Variants in SUPT3H observed in about 807,000 individuals in gnomAD.
SUPT3H encodes the protein transcription initiation protein SPT3 homolog.
SUPT3H carries 44 observed loss-of-function variants against 44.3 expected under a neutral mutation model. That is an observed-to-expected ratio of 0.99 (90% CI 0.78 to 1.28). SUPT3H has a LOEUF of 1.28. Among genes scored for constraint, SUPT3H ranks in the 50% most tolerant of loss-of-function variants. The pLI is 0.00. For missense variants in SUPT3H, 380 were observed against 387.1 expected (o/e 0.98, Z 0.15); for synonymous variants, 124 against 125.6 (o/e 0.99, Z 0.09).
chr6:45,176,976 G>C (rs1301459845), intron 2 of SUPT3H, among the ~76,000 whole-genome samples: 3 of 152,312 alleles, frequency 2.0e-5, no homozygotes, highest in East Asian at 1.9e-4. Flanking sequence ...GGAAAAAACA[G>C]AGCAGAAAAA....
At chr6:44,955,032 A>C (rs1774898337) in intron 7 of SUPT3H, among the ~76,000 whole-genome samples, 1 of 152,256 alleles carries the variant, frequency 6.6e-6, no homozygotes, top group Admixed American at 6.5e-5. Context: ...TGATGAAAAA[A>C]GAAACATACA....
chr6:45,186,561 T>C (rs1219230457), intron 2 of SUPT3H, among the ~76,000 whole-genome samples: 6 of 152,150 alleles, frequency 3.9e-5, no homozygotes, highest in South Asian at 2.1e-4. Context: ...CAGGCTCAGA[T>C]AGTTTCACAG....
chr6:45,120,560 A>G (rs962818288), intron 2 of SUPT3H, among the ~76,000 whole-genome samples: 8 of 152,084 alleles, frequency 5.3e-5, no homozygotes, highest in Non-Finnish European at 8.8e-5. Flanking sequence ...GCAAACCAAT[A>G]TATAAATGCC....
At chr6:45,317,111 C>G (rs1433327148) in intron 2 of SUPT3H, among the ~76,000 whole-genome samples, 1 of 150,258 alleles carries the variant, frequency 6.7e-6, no homozygotes, top group Non-Finnish European at 1.5e-5. Context: ...CAGATAGTTC[C>G]AGCTACTCAG....
At chr6:45,181,459 A>T (rs565112714) in intron 2 of SUPT3H, among the ~76,000 whole-genome samples, 1 of 152,080 alleles carries the variant, frequency 6.6e-6, no homozygotes, top group South Asian at 2.1e-4. Context: ...TAGATTTGGA[A>T]CCAACCCAAA....
chr6:44,980,389 T>A (rs1397538462), intron 6 of SUPT3H, among the ~76,000 whole-genome samples: 6 of 152,060 alleles, frequency 3.9e-5, no homozygotes, highest in Non-Finnish European at 7.4e-5. Flanking sequence ...AAAATGACAG[T>A]GAAGGAAAGG....
intron 10 of SUPT3H, among the ~76,000 whole-genome samples, chr6:44,892,766 A>G (rs766388988): frequency 6.6e-6 from 1 of 152,178 alleles, no homozygotes; most frequent in Non-Finnish European, 1.5e-5. Flanking sequence ...GATTAGTGGT[A>G]GAGCCCAGGA....
chr6:45,292,195 A>G (rs879485863), intron 2 of SUPT3H, among the ~76,000 whole-genome samples: 1 of 152,166 alleles, frequency 6.6e-6, no homozygotes, highest in Non-Finnish European at 1.5e-5. Flanking sequence ...ACTAAGCTTC[A>G]TATATGAAAG....
At chr6:45,158,207 GAT>G (rs1202723967) in intron 2 of SUPT3H, among the ~76,000 whole-genome samples, 13 of 105,524 alleles carry the variant, frequency 1.2e-4, no homozygotes, top group South Asian at 2.7e-4. Context: ...CATAGAGATA[GAT>G]AGATAGATAG....
intron 3 of SUPT3H, among the ~76,000 whole-genome samples, chr6:45,062,655 C>A (rs7763973): frequency 0.36 from 54,513 of 151,902 alleles, 10,519 homozygotes; most frequent in Non-Finnish European, 0.43. Context: ...CTGGGAAGCG[C>A]GAGGGGTCAG....
chr6:45,029,050 T>C (rs1175040469), intron 3 of SUPT3H, among the ~76,000 whole-genome samples: 1 of 151,988 alleles, frequency 6.6e-6, no homozygotes, highest in Non-Finnish European at 1.5e-5. Flanking sequence ...ACATTCAGAA[T>C]ACTCTACATT....
chr6:45,099,028 CAGA>C (rs1295442808), intron 3 of SUPT3H: 1 of 377,624 alleles, frequency 2.6e-6, no homozygotes, highest in East Asian at 7.8e-5. Flanking sequence ...CCTACAGCAG[CAGA>C]AGATGCATGT....
intron 3 of SUPT3H, among the ~76,000 whole-genome samples, chr6:45,033,740 A>C (rs1328092949): frequency 1.3e-5 from 2 of 152,150 alleles, no homozygotes; most frequent in African/African-American, 4.8e-5. Context: ...ATGGATTTTA[A>C]GTGTCTCAAA....
At chr6:45,285,571 C>G (rs1779082603) in intron 2 of SUPT3H, among the ~76,000 whole-genome samples, 1 of 152,046 alleles carries the variant, frequency 6.6e-6, no homozygotes, top group African/African-American at 2.4e-5. Flanking sequence ...GAACTACAAA[C>G]CACTGCTCAA....
At chr6:45,114,214 T>G (rs1800509170) in intron 2 of SUPT3H, among the ~76,000 whole-genome samples, 2 of 152,270 alleles carry the variant, frequency 1.3e-5, no homozygotes, top group South Asian at 4.1e-4. Flanking sequence ...ATTGACTGAT[T>G]GCCTGGTATG....
intron 2 of SUPT3H, among the ~76,000 whole-genome samples, chr6:45,245,068 T>C (rs1771102155): frequency 6.6e-6 from 1 of 152,182 alleles, no homozygotes; most frequent in South Asian, 2.1e-4. Context: ...AAATCATTTT[T>C]TAAGATTGGT....
downstream of SUPT3H, among the ~76,000 whole-genome samples, chr6:44,822,565 A>G (rs1767409807): frequency 6.6e-6 from 1 of 152,214 alleles, no homozygotes; most frequent in African/African-American, 2.4e-5. Flanking sequence ...AGTAATGCAA[A>G]TATGATTAAG....
chr6:44,823,910 C>G (rs1187234668), downstream of SUPT3H, among the ~76,000 whole-genome samples: 1 of 152,180 alleles, frequency 6.6e-6, no homozygotes, highest in East Asian at 1.9e-4. Flanking sequence ...TTGCAGTGAG[C>G]TGAGATCGAG....
At chr6:45,124,185 G>C (rs189523117) in intron 2 of SUPT3H, among the ~76,000 whole-genome samples, 99 of 152,150 alleles carry the variant, frequency 6.5e-4, no homozygotes, top group African/African-American at 2.0e-3. Context: ...GTAAGAGCTT[G>C]AGTTAATGTA....
Sources: allele counts gnomAD v4.1 joint callset (sites outside exome capture counted in the v4.1 genomes callset), GRCh38; gene constraint gnomAD v4.1.1; transcripts MANE v1.5; gene names NCBI Gene and HGNC (gene_info 2026-07-23, HGNC 2026-07-21).